USH2A: variants seen among roughly 807,000 people sequenced by gnomAD.
USH2A encodes usherin.
Under a neutral mutation model 538.9 loss-of-function variants are expected in USH2A, and 443 were observed. The observed-to-expected ratio is 0.82, with a 90% CI of 0.76 to 0.89. The LOEUF (loss-of-function observed/expected upper bound fraction) is 0.89, where lower values mean the gene tolerates loss of function less well. Among genes scored for constraint, USH2A ranks in the 40% least tolerant of loss-of-function variants. The pLI, the probability that USH2A is intolerant of heterozygous loss-of-function variation, is 0.00. For synonymous variants in USH2A, 2,413 were observed against 2,273.5 expected (o/e 1.06, Z -1.75); for missense variants, 6,633 against 6,324.8 (o/e 1.05, Z -1.65).
rs752309719 is a variant in USH2A, at chr1:215,889,074, C to T, written c.7595-20G>A. ...CAGGTTCTGTAAAGTAAAATAAATC[C>T]AGAAAGTCAGACCTCTTGGAAATGT... On this transcript the variant is annotated intron_variant, in intron 40 of 71. Coordinates refer to ENST00000307340, the MANE Select transcript of USH2A (RefSeq NM_206933.4). 3.1e-6 allele frequency: 5 copies of T among 1,611,636 alleles called. No homozygotes were observed. The highest frequency in any genetic ancestry group is 1.1e-5 in the South Asian group (1 of 91,032).
At chr1:215,840,603 G>T (rs1363920487) in intron 46 of USH2A, among the ~76,000 whole-genome samples, 1 of 152,138 alleles carries the variant, frequency 6.6e-6, no homozygotes, top group Non-Finnish European at 1.5e-5. Context: ...ACCAGTAGTG[G>T]TATAAATAAA....
chr1:216,191,625 GA>G (rs2034718578), intron 19 of USH2A, among the ~76,000 whole-genome samples: 1 of 151,864 alleles, frequency 6.6e-6, no homozygotes, highest in African/African-American at 2.4e-5. Context: ...ATATAATGAA[GA>G]TACAAACTTT....
chr1:216,130,344 T>C (rs926528317), intron 21 of USH2A, among the ~76,000 whole-genome samples: 6 of 151,720 alleles, frequency 4.0e-5, no homozygotes, highest in Non-Finnish European at 8.8e-5. Context: ...CAAAGTCCAT[T>C]GTGTTATTCT....
chr1:216,124,049 A>T (rs1444939382), intron 21 of USH2A, among the ~76,000 whole-genome samples: 1 of 152,168 alleles, frequency 6.6e-6, no homozygotes, highest in Non-Finnish European at 1.5e-5. Context: ...GTAAGACATC[A>T]ATCAGAGGAG....
chr1:216,008,264 G>T (rs1288689220), intron 32 of USH2A, among the ~76,000 whole-genome samples: 1 of 152,056 alleles, frequency 6.6e-6, no homozygotes, highest in South Asian at 2.1e-4. Flanking sequence ...AAAATGGCCT[G>T]TTCCTGCCTT....
chr1:216,045,746 C>T (rs2030484183), intron 32 of USH2A, among the ~76,000 whole-genome samples: 1 of 152,060 alleles, frequency 6.6e-6, no homozygotes. Context: ...ATTTCCAGGC[C>T]TCCTCTGCAT....
chr1:216,241,889 T>C (rs549967948), intron 13 of USH2A, among the ~76,000 whole-genome samples: 57 of 152,182 alleles, frequency 3.7e-4, no homozygotes, highest in Non-Finnish European at 7.2e-4. Context: ...ACAAAACTCC[T>C]TTCCAAAGGT....
chr1:215,984,587 T>C (rs1473893622), intron 35 of USH2A, among the ~76,000 whole-genome samples: 1 of 152,232 alleles, frequency 6.6e-6, no homozygotes, highest in African/African-American at 2.4e-5. Flanking sequence ...TCATGTTATG[T>C]CAAATTGTAT....
Position 215,888,632 on chromosome 1 carries a change from C to A in USH2A, c.8017G>T (p.Val2673Leu). 1 of 1,614,138 alleles carries A rather than the reference C, an allele frequency of 6.2e-7. No homozygotes were observed. Among genetic ancestry groups the A allele is most frequent in the Non-Finnish European group, 8.5e-7 (1 of 1,180,012 alleles). Reference protein sequence around the residue: ...VKGKEEVTTLVTLPRSHSMRF... With the variant: ...VKGKEEVTTLLTLPRSHSMRF... Reference sequence around the variant, plus strand: ...ATGGAATGACTCCTCGGGAGAGTCACCAGGGTAGTAACTTCTTCCTTTCCT... The same window carrying A: ...ATGGAATGACTCCTCGGGAGAGTCAACAGGGTAGTAACTTCTTCCTTTCCT... The change falls in exon 41 of 72, where the codon GTG becomes TTG. Residue 2673 changes from valine (V) to leucine (L), a missense_variant. Val to Leu is a conservative substitution (Grantham distance 32). Transcript: ENST00000307340.
intron 40 of USH2A, among the ~76,000 whole-genome samples, chr1:215,892,520 A>G (rs968898496): frequency 3.9e-5 from 6 of 152,184 alleles, no homozygotes; most frequent in Non-Finnish European, 7.4e-5. Context: ...CTGATATGTT[A>G]ACAGAATAAT....
At chr1:215,940,956 C>CT (rs2102505563) in intron 37 of USH2A, among the ~76,000 whole-genome samples, 1 of 150,522 alleles carries the variant, frequency 6.6e-6, no homozygotes, top group South Asian at 2.1e-4. Context: ...TATCGAGAAT[C>CT]TTTATGTTTT....
At chr1:216,187,972 T>G (rs1030437605) in intron 20 of USH2A, among the ~76,000 whole-genome samples, 1 of 152,000 alleles carries the variant, frequency 6.6e-6, no homozygotes, top group African/African-American at 2.4e-5. Flanking sequence ...TAAACTCTTA[T>G]TTTTGTAAGT....
intron 50 of USH2A, among the ~76,000 whole-genome samples, chr1:215,795,661 C>G (rs1426580392): frequency 6.6e-6 from 1 of 152,164 alleles, no homozygotes; most frequent in East Asian, 1.9e-4. Context: ...TTTGCACCCT[C>G]CCTGCCACCT....
chr1:216,390,084 C>G (rs2039079752), intron 3 of USH2A, among the ~76,000 whole-genome samples: 1 of 152,154 alleles, frequency 6.6e-6, no homozygotes, highest in Non-Finnish European at 1.5e-5. Flanking sequence ...ATTTTACCTA[C>G]TTCAGCATGA....
intron 22 of USH2A, among the ~76,000 whole-genome samples, chr1:216,095,750 G>A (rs1347245124): frequency 6.6e-6 from 1 of 152,116 alleles, no homozygotes; most frequent in East Asian, 1.9e-4. Flanking sequence ...TGCTTTTTGA[G>A]TCTGGCAGGG....
At position 215,629,271 on chromosome 1, in the gene USH2A, T is replaced by C. The variant is rs73087442; in HGVS notation, c.15298-236A>G. 3.9e-3 allele frequency among the ~76,000 whole-genome samples: 595 copies of C among 152,248 alleles called. 6 individuals are homozygous for C. Among genetic ancestry groups the C allele is most frequent in the African/African-American group, 0.014 (581 of 41,540 alleles). The stretch of plus-strand genomic sequence containing the variant: ...TGAGATGATGAGCTAATACTCAAGT[T>C]AGGTGGCCAGTGTTTTCGGCACCTA... On this transcript the variant is annotated intron_variant, in intron 70 of 71. Coordinates refer to ENST00000307340, the MANE Select transcript of USH2A (RefSeq NM_206933.4).
intron 61 of USH2A, among the ~76,000 whole-genome samples, chr1:215,704,994 C>T (rs115521594): frequency 9.7e-4 from 148 of 152,200 alleles, no homozygotes; most frequent in Middle Eastern, 3.4e-3. Flanking sequence ...TAGATGTCTG[C>T]GGAATGAATA....
intron 3 of USH2A, among the ~76,000 whole-genome samples, chr1:216,417,264 T>C (rs964898443): frequency 5.7e-5 from 8 of 139,994 alleles, no homozygotes; most frequent in African/African-American, 2.3e-4. Flanking sequence ...TGCTTCAAGA[T>C]TAAAAAAAAA....
chr1:216,360,708 A>AT (rs1008306737), intron 4 of USH2A, among the ~76,000 whole-genome samples: 119 of 120,478 alleles, frequency 9.9e-4, no homozygotes, highest in African/African-American at 4.9e-3. Flanking sequence ...GCTCTAAAAA[A>AT]ATAGTCTATT....
Sources: gnomAD v4.1 joint callset for allele counts (sites outside exome capture counted in the v4.1 genomes callset) on GRCh38, gnomAD v4.1.1 for gene constraint, MANE v1.5 for transcripts, NCBI Gene and HGNC (gene_info 2026-07-23, HGNC 2026-07-21) for gene names.